Variants in ARHGEF38 observed in about 807,000 individuals in gnomAD.
ARHGEF38 encodes Rho guanine nucleotide exchange factor 38.
Under a neutral mutation model 79.9 loss-of-function variants are expected in ARHGEF38, and 79 were observed. The ratio of observed to expected loss-of-function variants is 0.99; its 90% CI spans 0.82 to 1.19. ARHGEF38 has a LOEUF of 1.19. Among genes scored for constraint, ARHGEF38 ranks in the 50% most tolerant of loss-of-function variants. The probability of loss-of-function intolerance (pLI) is 0.00; values close to 1 mark genes in which losing one functional copy is unlikely to be tolerated. For synonymous variants in ARHGEF38, 366 were observed against 328.3 expected (o/e 1.11, Z -1.24); for missense variants, 962 against 907.2 (o/e 1.06, Z -0.78).
intron 5 of ARHGEF38, among the ~76,000 whole-genome samples, chr4:105,637,086 G>A (rs1033766688): frequency 4.6e-5 from 7 of 152,104 alleles, no homozygotes; most frequent in African/African-American, 1.7e-4. Context: ...CCAGGCACAT[G>A]TTTGGCTTAT....
chr4:105,679,516 T>A lies in ARHGEF38; in HGVS notation c.*1579T>A. ...TTGATTAAAGATCATGGTTCAAAGC[T>A]TGATACACCAGAAATGTGGGCTAAA... On this transcript the variant is annotated 3_prime_UTR_variant, in exon 14 of 14. Coordinates refer to ENST00000420470, the MANE Select transcript of ARHGEF38 (RefSeq NM_001242729.2). 7.2e-7 allele frequency: 1 copy of A among 1,384,742 alleles called. No homozygotes were observed. The highest frequency in any genetic ancestry group is 1.0e-6 in the Non-Finnish European group (1 of 973,738). The allele number at this position is 1,384,742 out of a possible 1,614,324, so 85.8% of individuals were successfully genotyped here. A position where few individuals can be genotyped will look rare whatever the true frequency, so the allele number is the denominator to read the frequency against.
chr4:105,608,800 T>C (rs1397775499), intron 2 of ARHGEF38, among the ~76,000 whole-genome samples: 1 of 151,970 alleles, frequency 6.6e-6, no homozygotes, highest in Non-Finnish European at 1.5e-5. Flanking sequence ...GTACACATTA[T>C]TTCATCTCTC....
At chr4:105,677,305 C>G (rs1731158166) in intron 13 of ARHGEF38, among the ~76,000 whole-genome samples, 1 of 152,138 alleles carries the variant, frequency 6.6e-6, no homozygotes, top group Admixed American at 6.5e-5. Context: ...GTATGAGGGT[C>G]TGGAATTTAA....
chr4:105,630,789 A>G, intron 3 of ARHGEF38, 109 bp from the exon 4 acceptor site: 1 of 929,836 alleles, frequency 1.1e-6, no homozygotes, highest in Non-Finnish European at 1.6e-6. Context: ...CTGGGGATAA[A>G]GTAGATCCCA....
At chr4:105,553,051 G>T (rs999696313) in intron 1 of ARHGEF38, 90 bp downstream of exon 1, 5 of 1,066,652 alleles carry the variant, frequency 4.7e-6, no homozygotes, top group African/African-American at 1.6e-5. Flanking sequence ...ACACAAGGCA[G>T]AGGGGAAAAT....
intron 1 of ARHGEF38, among the ~76,000 whole-genome samples, chr4:105,558,006 G>A (rs907224469): frequency 2.0e-5 from 3 of 152,084 alleles, no homozygotes; most frequent in South Asian, 4.1e-4. Context: ...CAAAAATTAC[G>A]TCTCCATTTC....
At chr4:105,599,235 C>G (rs933501601) in intron 2 of ARHGEF38, among the ~76,000 whole-genome samples, 2 of 152,096 alleles carry the variant, frequency 1.3e-5, no homozygotes, top group Non-Finnish European at 2.9e-5. Context: ...ATGATAGAAA[C>G]TGTCCTCCTT....
At chr4:105,655,483 C>G in intron 8 of ARHGEF38, 120 bp from the exon 9 acceptor site, 1 of 1,048,096 alleles carries the variant, frequency 9.5e-7, no homozygotes, top group Non-Finnish European at 1.3e-6. Context: ...TTTGTTGTTC[C>G]TTTTTAAATA....
At chr4:105,579,077 GT>G (rs1318911297) in intron 1 of ARHGEF38, among the ~76,000 whole-genome samples, 1 of 151,954 alleles carries the variant, frequency 6.6e-6, no homozygotes, top group Non-Finnish European at 1.5e-5. Context: ...TGCTAGTGGG[GT>G]TTTTTTGGTA....
At chr4:105,605,490 T>C (rs1254628954) in intron 2 of ARHGEF38, among the ~76,000 whole-genome samples, 3 of 152,152 alleles carry the variant, frequency 2.0e-5, no homozygotes, top group Admixed American at 6.6e-5. Flanking sequence ...TCCACATTAG[T>C]ATCTTCTGGC....
chr4:105,626,023 G>A (rs893162323), intron 3 of ARHGEF38, among the ~76,000 whole-genome samples: 9 of 151,918 alleles, frequency 5.9e-5, no homozygotes, highest in African/African-American at 1.9e-4. Flanking sequence ...GAACACTCTC[G>A]CATGGCCACA....
chr4:105,553,777 T>A (rs115509945), intron 1 of ARHGEF38, among the ~76,000 whole-genome samples: 1 of 152,296 alleles, frequency 6.6e-6, no homozygotes, highest in Non-Finnish European at 1.5e-5. Context: ...AGTCTTTTCT[T>A]CGGTACTTGT....
At chr4:105,648,070 A>G (rs1348326668) in intron 6 of ARHGEF38, among the ~76,000 whole-genome samples, 5 of 151,636 alleles carry the variant, frequency 3.3e-5, no homozygotes, top group Admixed American at 6.6e-5. Context: ...TTGTATTTTT[A>G]GTAGAGACGA....
rs1225834562 is a variant in ARHGEF38 at position 105,567,321 on chromosome 4, A to G, written c.196+14360A>G. Among the ~76,000 whole-genome samples the G allele has an allele frequency of 2.0e-5, 3 of 152,324 alleles. No homozygotes were observed. In the East Asian group the frequency reaches 5.8e-4, roughly 29 times the overall value. The stretch of plus-strand genomic sequence containing the variant: ...TTCTGGAATAATTCTTAATCTTTTA[A>G]ATTTGTCTCATTCAACTCCTAATAT... On this transcript the variant is annotated intron_variant, in intron 1 of 13. Coordinates refer to ENST00000420470, the MANE Select transcript of ARHGEF38 (RefSeq NM_001242729.2).
intron 1 of ARHGEF38, among the ~76,000 whole-genome samples, chr4:105,573,736 G>GA (rs1296869443): frequency 6.9e-6 from 1 of 143,960 alleles, no homozygotes; most frequent in African/African-American, 2.9e-5. Flanking sequence ...GTTTTAGGAT[G>GA]GGTTTTTTTT....
At chr4:105,608,684 C>G (rs757395631) in intron 2 of ARHGEF38, among the ~76,000 whole-genome samples, 4 of 151,550 alleles carry the variant, frequency 2.6e-5, no homozygotes, top group African/African-American at 4.8e-5. Context: ...CTATAGTCAC[C>G]CTGTATCTTC....
chr4:105,651,652 T>C (rs1468788409), intron 7 of ARHGEF38, among the ~76,000 whole-genome samples: 1 of 152,234 alleles, frequency 6.6e-6, no homozygotes, highest in East Asian at 1.9e-4. Context: ...CTCTCTCTCT[T>C]TTTTTAAATT....
intron 1 of ARHGEF38, among the ~76,000 whole-genome samples, chr4:105,571,321 CTTTTTT>C (rs34707064): frequency 8.9e-5 from 8 of 89,750 alleles, no homozygotes; most frequent in Non-Finnish European, 1.3e-4. Context: ...TTTTCTTTTT[CTTTTTT>C]TTTTTTTTTT....
chr4:105,555,341 G>T (rs750095723), intron 1 of ARHGEF38, among the ~76,000 whole-genome samples: 1 of 152,076 alleles, frequency 6.6e-6, no homozygotes, highest in South Asian at 2.1e-4. Context: ...TCTGATTATC[G>T]AACGCCTAAT....
Sources: allele counts gnomAD v4.1 joint callset (sites outside exome capture counted in the v4.1 genomes callset), GRCh38; gene constraint gnomAD v4.1.1; transcripts MANE v1.5; gene names NCBI Gene and HGNC (gene_info 2026-07-23, HGNC 2026-07-21).